DECR1: variants seen among roughly 807,000 people sequenced by gnomAD.
DECR1 encodes the protein 2,4-dienoyl-CoA reductase 1.
Under a neutral mutation model 38.8 loss-of-function variants are expected in DECR1, and 44 were observed. The observed-to-expected ratio is 1.13, with a 90% CI of 0.89 to 1.46. The LOEUF (loss-of-function observed/expected upper bound fraction) is 1.46. Ranked by LOEUF, DECR1 falls within the 40% of genes most tolerant of loss-of-function variation. The pLI, the probability that DECR1 is intolerant of heterozygous loss-of-function variation, is 0.00. For missense variants in DECR1, 428 were observed against 405.5 expected (o/e 1.06, Z -0.48); for synonymous variants, 148 against 135.2 (o/e 1.09, Z -0.66).
At chr8:90,006,968 A>C (rs1812757332) in intron 1 of DECR1, among the ~76,000 whole-genome samples, 1 of 152,182 alleles carries the variant, frequency 6.6e-6, no homozygotes, top group Admixed American at 6.5e-5. Flanking sequence ...AGTAAGTGAC[A>C]TCAGTCCTGA....
chr8:90,050,092 A>T (rs1417171583), intron 8 of DECR1, among the ~76,000 whole-genome samples: 1 of 152,256 alleles, frequency 6.6e-6, no homozygotes, highest in East Asian at 1.9e-4. Context: ...AAACCTAGGC[A>T]ATGCCATTCA....
chr8:90,002,466 T>C (rs1173675080), intron 1 of DECR1, among the ~76,000 whole-genome samples: 1 of 151,932 alleles, frequency 6.6e-6, no homozygotes, highest in Non-Finnish European at 1.5e-5. Context: ...TGAAAACAGC[T>C]AGGAAGAAGA....
At chr8:90,045,556 A>G (rs971747511) in intron 8 of DECR1, among the ~76,000 whole-genome samples, 1 of 152,176 alleles carries the variant, frequency 6.6e-6, no homozygotes, top group Non-Finnish European at 1.5e-5. Flanking sequence ...GGAGCCCACC[A>G]CAGCTCAAGG....
At chr8:90,033,859 T>G (rs1349762666) in intron 5 of DECR1, among the ~76,000 whole-genome samples, 1 of 152,216 alleles carries the variant, frequency 6.6e-6, no homozygotes, top group East Asian at 1.9e-4. Flanking sequence ...TTGGAGCATT[T>G]GCTTTGTATT....
chr8:90,008,355 G>A (rs1812794429), intron 1 of DECR1, among the ~76,000 whole-genome samples: 2 of 152,212 alleles, frequency 1.3e-5, no homozygotes, highest in Non-Finnish European at 2.9e-5. Context: ...GGAATATGTT[G>A]TCTTCTCTTA....
chr8:90,039,490 C>A (rs1586161244), intron 6 of DECR1, among the ~76,000 whole-genome samples: 2 of 152,266 alleles, frequency 1.3e-5, no homozygotes, highest in South Asian at 4.1e-4. Flanking sequence ...AAACTGTCTT[C>A]AGGATTCAGT....
At chr8:90,006,662 G>A (rs1245599597) in intron 1 of DECR1, among the ~76,000 whole-genome samples, 1 of 152,192 alleles carries the variant, frequency 6.6e-6, no homozygotes, top group East Asian at 1.9e-4. Context: ...TGATTGGTTG[G>A]TGGTGAGGAT....
chr8:90,033,549 G>A (rs1392487698), intron 5 of DECR1, among the ~76,000 whole-genome samples: 1 of 152,028 alleles, frequency 6.6e-6, no homozygotes, highest in African/African-American at 2.4e-5. Flanking sequence ...TAGCACCACT[G>A]TTCATTTTTT....
chr8:90,012,019 A>G (rs1451849014), intron 1 of DECR1, among the ~76,000 whole-genome samples: 1 of 152,140 alleles, frequency 6.6e-6, no homozygotes, highest in Non-Finnish European at 1.5e-5. Flanking sequence ...TTGTTTAAAT[A>G]TGCTTATTTA....
intron 1 of DECR1, chr8:90,006,298 G>C: frequency 1.4e-6 from 1 of 704,152 alleles, no homozygotes; most frequent in Non-Finnish European, 2.6e-6. Flanking sequence ...TTTTATGAGA[G>C]TGTTGTTGTT....
intron 1 of DECR1, chr8:90,003,358 A>T (rs767344970): frequency 6.6e-6 from 1 of 152,222 alleles, no homozygotes; most frequent in Non-Finnish European, 1.5e-5. Flanking sequence ...GCTGCTGGCT[A>T]ATAGGCCTCA....
At position 90,053,189 on chromosome 8, in the gene DECR1, G is replaced by C. The variant is rs142787709; in HGVS notation, c.*1292G>C. On this transcript the variant is annotated 3_prime_UTR_variant, in exon 10 of 10. Transcript: ENST00000220764. ...ATTTTACCTTTAGTACTAATCCTGT[G>C]TATTAGTCTGTTCTCATGCTGCTAA... Among the ~76,000 whole-genome samples, 1 of 152,112 alleles carries C rather than the reference G, an allele frequency of 6.6e-6. No homozygotes were observed. The highest frequency in any genetic ancestry group is 1.9e-4 in the East Asian group (1 of 5,182).
At chr8:90,021,088 G>A in intron 5 of DECR1, 32 bp downstream of exon 5, 1 of 1,532,288 alleles carries the variant, frequency 6.5e-7, no homozygotes, top group Non-Finnish European at 8.7e-7. Flanking sequence ...ATATTTATTT[G>A]GCTTCTGTGT....
chr8:90,039,010 C>T (rs1406644699), intron 6 of DECR1, among the ~76,000 whole-genome samples: 1 of 152,152 alleles, frequency 6.6e-6, no homozygotes, highest in African/African-American at 2.4e-5. Flanking sequence ...CCTTTAAGAA[C>T]TGATTTGGTG....
At chr8:90,036,748 C>T (rs1813625524) in intron 5 of DECR1, 93 bp from the exon 6 acceptor site, 1 of 823,936 alleles carries the variant, frequency 1.2e-6, no homozygotes, top group Non-Finnish European at 1.9e-6. Flanking sequence ...CTTATACCCT[C>T]TTTAATCAGA....
intron 6 of DECR1, chr8:90,037,159 G>A: frequency 2.0e-6 from 1 of 500,842 alleles, no homozygotes; most frequent in Admixed American, 3.5e-5. Flanking sequence ...CTGTAAATAT[G>A]CACTATCCAG....
At chr8:90,045,247 A>C (rs762263015) in intron 8 of DECR1, among the ~76,000 whole-genome samples, 24 of 152,170 alleles carry the variant, frequency 1.6e-4, no homozygotes, top group Non-Finnish European at 2.9e-4. Flanking sequence ...GTTTAAGGGA[A>C]GTGCAGGGGG....
intron 6 of DECR1, among the ~76,000 whole-genome samples, chr8:90,040,490 T>G (rs1243064840): frequency 6.6e-6 from 1 of 152,198 alleles, no homozygotes; most frequent in Non-Finnish European, 1.5e-5. Flanking sequence ...TTTTTAAAAT[T>G]ATACTTTAAG....
At chr8:90,020,844 A>C in intron 4 of DECR1, 65 bp from the exon 5 acceptor site, 19 of 1,348,916 alleles carry the variant, frequency 1.4e-5, no homozygotes, top group Non-Finnish European at 1.8e-5. Context: ...TCAGAAAAAA[A>C]ACCCTGCAGG....
Sources: allele counts gnomAD v4.1 joint callset (sites outside exome capture counted in the v4.1 genomes callset), GRCh38; gene constraint gnomAD v4.1.1; transcripts MANE v1.5; gene names NCBI Gene and HGNC (gene_info 2026-07-23, HGNC 2026-07-21).